Variants in PKM observed in about 807,000 individuals in gnomAD.
PKM encodes pyruvate kinase PKM.
In PKM, 18 loss-of-function variants were observed where a neutral mutation model predicts 49.8. The observed-to-expected ratio is 0.36, with a 90% CI of 0.25 to 0.54. The LOEUF is 0.54. PKM is among the 20% of genes least tolerant of loss of function. The pLI is 0.89. For missense variants in PKM, 508 were observed against 713.8 expected (o/e 0.71, Z 3.28); for synonymous variants, 239 against 261.8 (o/e 0.91, Z 0.84).
intron 1 of PKM, chr15:72,228,462 C>G: frequency 2.7e-6 from 1 of 365,778 alleles, no homozygotes; most frequent in South Asian, 2.0e-5. Context: ...ACTGCAAGCT[C>G]CGTAGTTGAG....
At chr15:72,206,968 G>A (rs1336157521) in intron 7 of PKM, 88 bp from the exon 8 acceptor site, 7 of 1,514,890 alleles carry the variant, frequency 4.6e-6, no homozygotes, top group Non-Finnish European at 6.4e-6. Context: ...ATAGTGAGTA[G>A]GTACACAGAG....
At chr15:72,205,624 G>GCTTTTTT (rs2082053528) in intron 8 of PKM, among the ~76,000 whole-genome samples, 5 of 99,738 alleles carry the variant, frequency 5.0e-5, no homozygotes, top group African/African-American at 1.4e-4. Flanking sequence ...GGGTGTTTTA[G>GCTTTTTT]TTTTTTTTTT....
At chr15:72,219,649 C>T (rs986011114) in intron 1 of PKM, among the ~76,000 whole-genome samples, 4 of 152,176 alleles carry the variant, frequency 2.6e-5, no homozygotes, top group Non-Finnish European at 5.9e-5. Flanking sequence ...CAAAGTCATT[C>T]CCCTGAATGC....
At chr15:72,217,176 G>C (rs1029522976) in intron 3 of PKM, among the ~76,000 whole-genome samples, 1 of 152,186 alleles carries the variant, frequency 6.6e-6, no homozygotes, top group Non-Finnish European at 1.5e-5. Flanking sequence ...AGGTGTGTGG[G>C]AGAACCACAG....
intron 1 of PKM, chr15:72,229,467 C>A: frequency 1.2e-6 from 1 of 838,072 alleles, no homozygotes; most frequent in Non-Finnish European, 1.7e-6. Context: ...TCACTGTCGG[C>A]CTCACTTTAA....
At chr15:72,203,250 C>A in intron 8 of PKM, 1 of 1,399,326 alleles carries the variant, frequency 7.1e-7, no homozygotes, top group Non-Finnish European at 1.0e-6. Flanking sequence ...AAACGAGACA[C>A]AACACATGGG....
intron 2 of PKM, among the ~76,000 whole-genome samples, chr15:72,217,968 T>A (rs1348574969): frequency 6.6e-6 from 1 of 152,266 alleles, no homozygotes; most frequent in African/African-American, 2.4e-5. Flanking sequence ...TGGTAATTTA[T>A]AATTTGGGTT....
upstream of PKM, chr15:72,231,475 C>T (rs1052676610): frequency 2.6e-5 from 4 of 152,452 alleles, no homozygotes; most frequent in Non-Finnish European, 5.9e-5. Context: ...CGGGGCCCGC[C>T]CCCGGAGCGA....
Position 72,202,513 on chromosome 15 carries a change from G to A in PKM, c.1248C>T (p.Ala416=), listed in dbSNP as rs11558368. The A allele has an allele frequency of 1.8e-5, 29 of 1,613,520 alleles. No homozygotes were observed. The highest frequency in any genetic ancestry group is 4.4e-5 in the South Asian group (4 of 91,018). The stretch of plus-strand genomic sequence containing the variant: ...TGCAGCACTTGAAGGAGGCCTCCAC[G>A]GCACCCACGGCGGTGGCTTCTGTGG... ...SDPTEATAVG[A]VEASFKCCSG... Residue 416 remains alanine (A), a synonymous_variant, in exon 9 of 11, where the codon GCC becomes GCT. Transcript: ENST00000335181. This position sits in a 1 kb window ranked among gnomAD's most constrained non-coding sequence, Gnocchi z 4.5.
chr15:72,210,793 G>T (rs1437125009), intron 3 of PKM, among the ~76,000 whole-genome samples: 1 of 152,180 alleles, frequency 6.6e-6, no homozygotes, highest in African/African-American at 2.4e-5. Flanking sequence ...CATAAAAGCA[G>T]CTGTGTCCCC....
At chr15:72,219,171 G>C in intron 1 of PKM, 61 bp from the exon 2 acceptor site, 1 of 1,459,080 alleles carries the variant, frequency 6.9e-7, no homozygotes, top group Non-Finnish European at 9.5e-7. Context: ...ATACCATTTA[G>C]CACAGAAGGC....
At chr15:72,205,698 GGCT>G (rs1412815067) in intron 8 of PKM, among the ~76,000 whole-genome samples, 3 of 150,904 alleles carry the variant, frequency 2.0e-5, no homozygotes, top group African/African-American at 4.9e-5. Flanking sequence ...GGCTTGGAGG[GGCT>G]GAGGTCAAAG....
At chr15:72,222,410 C>T (rs1368397786) in intron 1 of PKM, 2 of 152,534 alleles carry the variant, frequency 1.3e-5, no homozygotes, top group South Asian at 4.1e-4. Flanking sequence ...CTCCACAAGC[C>T]TCTTCCCAGC....
At position 72,200,738 on chromosome 15, in the gene PKM, C is replaced by G; in HGVS notation, c.1308-83G>C. On this transcript the variant is annotated intron_variant, in intron 9 of 10. Coordinates refer to ENST00000335181, the MANE Select transcript of PKM (RefSeq NM_002654.6). This position sits in a 1 kb window ranked among gnomAD's most constrained non-coding sequence, Gnocchi z 4.6. Reference sequence around the variant, plus strand: ...CCTCAGGGCGTTCAAACAGCTCACCCTCTCATCCAGCTCACTGAGGGCTCT... The same window carrying G: ...CCTCAGGGCGTTCAAACAGCTCACCGTCTCATCCAGCTCACTGAGGGCTCT... 8 of 1,217,506 alleles carry G rather than the reference C, an allele frequency of 6.6e-6. No individual in the cohort carries two copies. The South Asian group carries it at 9.5e-5, about 14-fold the overall frequency. 75.4% of individuals were successfully genotyped at this position (1,217,506 alleles called of 1,614,324 possible). A position where few individuals can be genotyped will look rare whatever the true frequency, so the allele number is the denominator to read the frequency against.
intron 8 of PKM, chr15:72,203,355 G>A: frequency 1.6e-6 from 1 of 644,814 alleles, no homozygotes; most frequent in Non-Finnish European, 2.8e-6. Context: ...GGTGATGAAA[G>A]TCCAACTGCT....
In PKM at chr15:72,218,963, AGT is replaced by A. The variant is rs775512109; in HGVS notation, c.133_134del (p.Thr45TrpfsTer21). The A allele has an allele frequency of 6.2e-7, 1 of 1,614,156 alleles. No homozygotes were observed. Among genetic ancestry groups the A allele is most frequent in the South Asian group, 1.1e-5 (1 of 91,090 alleles). The part of the protein sequence containing the change: ...IDSPPITARN[T>X]GIICTIGPAS... ...ACTCACCAATGGTACAGATGATGCC[AGT>A]GTTCCGGGCTGTGATGGGTGGTGAA... On this transcript the variant is annotated frameshift_variant, in exon 2 of 11. Coordinates refer to ENST00000335181, the MANE Select transcript of PKM (RefSeq NM_002654.6). LOFTEE classifies it high-confidence loss of function.
At chr15:72,212,162 T>C (rs2140691259) in intron 3 of PKM, among the ~76,000 whole-genome samples, 1 of 152,288 alleles carries the variant, frequency 6.6e-6, no homozygotes, top group Admixed American at 6.5e-5. Context: ...TACTGGCTTG[T>C]AATAGAAATA....
At chr15:72,226,199 C>T (rs1036756604) in intron 1 of PKM, among the ~76,000 whole-genome samples, 4 of 152,130 alleles carry the variant, frequency 2.6e-5, no homozygotes, top group African/African-American at 7.2e-5. Flanking sequence ...AGTTCTTTTT[C>T]GTTCATGGCC....
chr15:72,229,898 T>A, intron 1 of PKM, among the ~76,000 whole-genome samples: 1 of 137,810 alleles, frequency 7.3e-6, no homozygotes, highest in Non-Finnish European at 1.6e-5. Context: ...TGTTAAAAAA[T>A]GTGCCGGATA....
Sources: allele counts gnomAD v4.1 joint callset (sites outside exome capture counted in the v4.1 genomes callset), GRCh38; gene constraint gnomAD v4.1.1; non-coding constraint Gnocchi (gnomAD v3.1); transcripts MANE v1.5; gene names NCBI Gene and HGNC (gene_info 2026-07-23, HGNC 2026-07-21).